The following CPQ variants were observed in gnomAD, a reference collection of about 807,000 sequenced individuals.
The protein encoded by CPQ is carboxypeptidase Q.
CPQ carries 37 observed loss-of-function variants against 45.7 expected under a neutral mutation model. The ratio of observed to expected loss-of-function variants is 0.81; its 90% CI spans 0.62 to 1.07. The LOEUF is 1.07. Ranked by LOEUF, CPQ falls within the 50% of genes least tolerant of loss-of-function variation. The pLI, the probability that CPQ is intolerant of heterozygous loss-of-function variation, is 0.00. For synonymous variants in CPQ, 186 were observed against 205.8 expected (o/e 0.90, Z 0.82); for missense variants, 537 against 572.9 (o/e 0.94, Z 0.64).
chr8:96,850,282 G>A lies in CPQ; in HGVS notation c.641+15102G>A, dbSNP rs540854451. ...TTGAGTTTTCCTTTCCTCAGCAGGG[G>A]AAGGGCCTATATGTGTTAGTGTTAG... On this transcript the variant is annotated intron_variant, in intron 3 of 7. Coordinates refer to ENST00000220763, the MANE Select transcript of CPQ (RefSeq NM_016134.4). Among the ~76,000 whole-genome samples, 9 of 152,270 alleles carry A rather than the reference G, an allele frequency of 5.9e-5. No homozygotes were observed. In the East Asian group the frequency reaches 1.7e-3, roughly 29 times the overall value.
chr8:96,648,892 G>A lies in CPQ; in HGVS notation c.-35+3490G>A, dbSNP rs73696207. Among the ~76,000 whole-genome samples, 546 of 152,374 alleles carry A rather than the reference G, an allele frequency of 3.6e-3. 5 individuals are homozygous for A. Among genetic ancestry groups the A allele is most frequent in the African/African-American group, 0.012 (485 of 41,584 alleles). On this transcript the variant is annotated intron_variant, in intron 1 of 7. Coordinates refer to ENST00000220763, the MANE Select transcript of CPQ (RefSeq NM_016134.4). ...TTCAGTGTGGCTGTGGTAGGGAGGTGTGGTAAGGTTAGGGCCAGACAGTGA... is the reference window on the plus strand; with the variant it reads ...TTCAGTGTGGCTGTGGTAGGGAGGTATGGTAAGGTTAGGGCCAGACAGTGA...
Position 96,768,072 on chromosome 8 carries a change from A to G in CPQ, c.-34-16792A>G, listed in dbSNP as rs74805362. On this transcript the variant is annotated intron_variant, in intron 1 of 7. Transcript: ENST00000220763. ...GTATCTTCCTAATTCCTTTTTTTAAAGTTACCTTTTTAATTTCCTGCCGTG... is the reference window on the plus strand; with the variant it reads ...GTATCTTCCTAATTCCTTTTTTTAAGGTTACCTTTTTAATTTCCTGCCGTG... 8.3e-3 allele frequency among the ~76,000 whole-genome samples: 1,258 copies of G among 151,880 alleles called. 13 individuals carry two copies. The highest frequency in any genetic ancestry group is 0.012 in the Non-Finnish European group (810 of 67,952).
At chr8:97,085,832 C>T (rs574330491) in intron 7 of CPQ, among the ~76,000 whole-genome samples, 1 of 152,274 alleles carries the variant, frequency 6.6e-6, no homozygotes, top group African/African-American at 2.4e-5. Flanking sequence ...ATTGTGGTTT[C>T]ATCCACAGTG....
At chr8:97,055,491 C>A (rs1170549908) in intron 6 of CPQ, 1 of 152,228 alleles carries the variant, frequency 6.6e-6, no homozygotes, top group African/African-American at 2.4e-5. Context: ...CCTTCAGATT[C>A]TCCCTGACCA....
intron 2 of CPQ, among the ~76,000 whole-genome samples, chr8:96,787,480 A>G (rs1336163932): frequency 7.4e-6 from 1 of 135,648 alleles, no homozygotes. Context: ...TTTTGCATTT[A>G]CATCCATAGG....
At chr8:96,659,753 G>C (rs1212848819) in intron 1 of CPQ, among the ~76,000 whole-genome samples, 2 of 152,172 alleles carry the variant, frequency 1.3e-5, no homozygotes, top group African/African-American at 2.4e-5. Flanking sequence ...TAGTCGGGGA[G>C]ATTGCCCTTA....
In CPQ at chr8:97,039,231, A is replaced by G. The variant is rs540716355; in HGVS notation, c.1053+9737A>G. Among the ~76,000 whole-genome samples the G allele has an allele frequency of 2.0e-5, 3 of 152,278 alleles. No individual in the cohort carries two copies. In the East Asian group the frequency reaches 5.8e-4, roughly 29 times the overall value. ...GAGTATTTCTAAAAGCAAGAACAGAACCCTTTATAAAGATAGCTAAATGTG... is the reference window on the plus strand; with the variant it reads ...GAGTATTTCTAAAAGCAAGAACAGAGCCCTTTATAAAGATAGCTAAATGTG... On this transcript the variant is annotated intron_variant, in intron 6 of 7. Transcript: ENST00000220763.
At position 96,795,262 on chromosome 8, in the gene CPQ, C is replaced by T. The variant is rs764588663; in HGVS notation, c.433+9932C>T. 7.2e-5 allele frequency among the ~76,000 whole-genome samples: 11 copies of T among 152,156 alleles called. 1 individual carries two copies. The highest frequency in any genetic ancestry group is 1.3e-4 in the Admixed American group (2 of 15,254). ...TGGAAGGTGAAAGGCATTTCTCACA[C>T]GGTGGCAGACAAGAGAAGAGAACTT... On this transcript the variant is annotated intron_variant, in intron 2 of 7. Coordinates refer to ENST00000220763, the MANE Select transcript of CPQ (RefSeq NM_016134.4).
intron 5 of CPQ, among the ~76,000 whole-genome samples, chr8:97,009,033 C>G (rs1403398972): frequency 6.6e-6 from 1 of 152,196 alleles, no homozygotes; most frequent in African/African-American, 2.4e-5. Flanking sequence ...CATGGGCCAC[C>G]CTGTCTGTGC....
chr8:96,695,592 A>C (rs915199968), intron 1 of CPQ, among the ~76,000 whole-genome samples: 8 of 152,186 alleles, frequency 5.3e-5, no homozygotes, highest in African/African-American at 1.9e-4. Context: ...ACAAATTTAC[A>C]AGAAAAAAAC....
chr8:96,734,533 A>C (rs1809954358), intron 1 of CPQ, among the ~76,000 whole-genome samples: 1 of 151,900 alleles, frequency 6.6e-6, no homozygotes, highest in Non-Finnish European at 1.5e-5. Flanking sequence ...AAAACGGTGA[A>C]ACTCCATCTC....
At chr8:97,124,974 T>G (rs1418916720) in intron 7 of CPQ, among the ~76,000 whole-genome samples, 2 of 152,080 alleles carry the variant, frequency 1.3e-5, no homozygotes, top group Non-Finnish European at 2.9e-5. Context: ...TAAAACGGAC[T>G]TTTTGAAACA....
At chr8:96,870,160 A>G (rs1004290500) in intron 3 of CPQ, among the ~76,000 whole-genome samples, 24 of 121,220 alleles carry the variant, frequency 2.0e-4, no homozygotes, top group Non-Finnish European at 3.6e-4. Flanking sequence ...AGTGCTTTAT[A>G]TATATATTTT....
intron 6 of CPQ, among the ~76,000 whole-genome samples, chr8:97,059,693 G>C (rs1166354602): frequency 1.3e-5 from 2 of 152,144 alleles, no homozygotes; most frequent in Non-Finnish European, 2.9e-5. Flanking sequence ...GGGAATTCCA[G>C]GGTCACTGGC....
At chr8:97,110,198 TG>T (rs1027114409) in intron 7 of CPQ, among the ~76,000 whole-genome samples, 1 of 152,206 alleles carries the variant, frequency 6.6e-6, no homozygotes, top group Admixed American at 6.5e-5. Flanking sequence ...GTTTTTCCTG[TG>T]CTTGAACTTC....
chr8:96,684,942 A>C (rs1287185378), intron 1 of CPQ, among the ~76,000 whole-genome samples: 2 of 151,978 alleles, frequency 1.3e-5, no homozygotes, highest in Non-Finnish European at 2.9e-5. Flanking sequence ...TACTAAAAAA[A>C]AAAATACAAA....
At chr8:97,102,065 T>C (rs891146490) in intron 7 of CPQ, among the ~76,000 whole-genome samples, 5 of 151,982 alleles carry the variant, frequency 3.3e-5, no homozygotes, top group African/African-American at 1.2e-4. Context: ...ATGGTACAGT[T>C]AGGGAGATAA....
chr8:96,865,405 C>T (rs1811985344), intron 3 of CPQ, among the ~76,000 whole-genome samples: 1 of 152,028 alleles, frequency 6.6e-6, no homozygotes, highest in African/African-American at 2.4e-5. Context: ...AGTTTCTGCA[C>T]ACCAGTCTGA....
At chr8:96,871,829 C>T (rs1464408030) in intron 3 of CPQ, among the ~76,000 whole-genome samples, 1 of 151,840 alleles carries the variant, frequency 6.6e-6, no homozygotes, top group Non-Finnish European at 1.5e-5. Context: ...TTTGCCACTT[C>T]CTCTCCTGAA....
Sources: allele counts gnomAD v4.1 joint callset (sites outside exome capture counted in the v4.1 genomes callset), GRCh38; gene constraint gnomAD v4.1.1; transcripts MANE v1.5; gene names NCBI Gene and HGNC (gene_info 2026-07-23, HGNC 2026-07-21).